Variants in PCDHGA5 observed in about 807,000 individuals in gnomAD.
The protein encoded by PCDHGA5 is protocadherin gamma-A5.
PCDHGA5 carries 36 observed loss-of-function variants against 56.7 expected under a neutral mutation model. The observed-to-expected ratio is 0.64, with a 90% confidence interval of 0.49 to 0.84. PCDHGA5 has a LOEUF of 0.84. Among genes scored for constraint, PCDHGA5 ranks in the 40% least tolerant of loss-of-function variants. The pLI, the probability that PCDHGA5 is intolerant of heterozygous loss-of-function variation, is 0.00. For synonymous variants in PCDHGA5, 563 were observed against 520.2 expected (o/e 1.08, Z -1.12); for missense variants, 1,305 against 1,201.5 (o/e 1.09, Z -1.27).
intron 1 of PCDHGA5, chr5:141,410,014 G>C (rs1185262301): frequency 1.2e-6 from 2 of 1,613,296 alleles, no homozygotes. Context: ...ACGCCTGGCT[G>C]TCCTACCACG....
At chr5:141,369,768 A>T (rs548016343) in intron 1 of PCDHGA5, among the ~76,000 whole-genome samples, 1 of 152,252 alleles carries the variant, frequency 6.6e-6, no homozygotes, top group Non-Finnish European at 1.5e-5. Context: ...CGTGAAGCTG[A>T]TATTTCAAGC....
chr5:141,490,045 C>T lies in PCDHGA5; in HGVS notation c.2422-4762C>T, dbSNP rs530803072. On this transcript the variant is annotated intron_variant, in intron 1 of 3. Transcript: ENST00000518069. The surrounding 1 kb of genome is among the most constrained non-coding windows in gnomAD (Gnocchi z 5.4). ...GCTGCTCCGCCTCAATGCCACTGAT[C>T]CAGACGAGGGCACCAACGGCCAACT... 1.2e-5 allele frequency: 19 copies of T among 1,614,114 alleles called. No individual in the cohort carries two copies. Among genetic ancestry groups the T allele is most frequent in the Admixed American group, 1.2e-4 (7 of 60,014 alleles).
At chr5:141,430,140 A>C (rs1295602149) in intron 1 of PCDHGA5, among the ~76,000 whole-genome samples, 1 of 152,202 alleles carries the variant, frequency 6.6e-6, no homozygotes, top group Non-Finnish European at 1.5e-5. Context: ...CCTTCCATTC[A>C]GGATCATTCA....
At chr5:141,405,094 C>T (rs1289372327) in intron 1 of PCDHGA5, 4 of 1,613,840 alleles carry the variant, frequency 2.5e-6, no homozygotes, top group Non-Finnish European at 3.4e-6. Flanking sequence ...TGCTGGCCCT[C>T]AGGCTGAGGC....
At chr5:141,374,602 T>G in intron 1 of PCDHGA5, 1 of 1,613,652 alleles carries the variant, frequency 6.2e-7, no homozygotes, top group Non-Finnish European at 8.5e-7. Flanking sequence ...TTAAGCTCAG[T>G]GGTAATAGTC....
rs769872504 is a variant in PCDHGA5, at chr5:141,394,062, A to G, written c.2421+27311A>G. 2.5e-6 allele frequency: 4 copies of G among 1,613,808 alleles called. No homozygotes were observed. The South Asian group carries it at 4.4e-5, about 18-fold the overall frequency. On this transcript the variant is annotated intron_variant, in intron 1 of 3. Coordinates refer to ENST00000518069, the MANE Select transcript of PCDHGA5 (RefSeq NM_018918.3). ...ATATTTGGACCGAGAAAATGTCTCT[A>G]TCTACAATATCACAGTGATGGCCTC... is the stretch of plus-strand genomic sequence containing the variant.
intron 1 of PCDHGA5, chr5:141,421,930 G>T (rs780569992): frequency 3.1e-6 from 5 of 1,613,480 alleles, no homozygotes; most frequent in Non-Finnish European, 4.2e-6. Context: ...GGTGGTCCTC[G>T]ATGTAAATGA....
At chr5:141,420,006 G>T in intron 1 of PCDHGA5, 1 of 1,614,052 alleles carries the variant, frequency 6.2e-7, no homozygotes, top group Non-Finnish European at 8.5e-7. Flanking sequence ...CTACGCCTGC[G>T]ACAGTCTTTC....
At chr5:141,470,059 G>A (rs1206799372) in intron 1 of PCDHGA5, among the ~76,000 whole-genome samples, 6 of 152,186 alleles carry the variant, frequency 3.9e-5, no homozygotes, top group African/African-American at 1.4e-4. Context: ...AACCCCGGAG[G>A]CAGAGACTGT....
At chr5:141,472,010 C>T (rs1305786275) in intron 1 of PCDHGA5, among the ~76,000 whole-genome samples, 1 of 151,978 alleles carries the variant, frequency 6.6e-6, no homozygotes, top group Non-Finnish European at 1.5e-5. Flanking sequence ...CGTATAGGGG[C>T]ACTATATTGT....
chr5:141,405,638 CT>C lies in PCDHGA5; in HGVS notation c.2421+38888del. ...TACAGGCACGTGCCACCACGCCCGG[CT>C]AATTTTTTGTGTGTTTTTAGTAGAG... is the stretch of plus-strand genomic sequence containing the variant. On this transcript the variant is annotated intron_variant, in intron 1 of 3. Coordinates refer to ENST00000518069, the MANE Select transcript of PCDHGA5 (RefSeq NM_018918.3). 3 of 528,680 alleles carry C rather than the reference CT, an allele frequency of 5.7e-6. No individual in the cohort carries two copies. The East Asian group carries it at 9.4e-5, about 17-fold the overall frequency. 32.7% of individuals were successfully genotyped at this position (528,680 alleles called of 1,614,324 possible).
intron 2 of PCDHGA5, among the ~76,000 whole-genome samples, chr5:141,495,644 A>G (rs767670166): frequency 5.3e-5 from 8 of 151,770 alleles, no homozygotes; most frequent in Non-Finnish European, 1.0e-4. Context: ...TCATTTGTCT[A>G]CTTGCATTGA....
In PCDHGA5 at chr5:141,365,005, C is replaced by T. The variant is rs1329280545; in HGVS notation, c.675C>T (p.Thr225=). 1.2e-6 allele frequency: 2 copies of T among 1,613,788 alleles called. No homozygotes were observed. Among genetic ancestry groups the T allele is most frequent in the South Asian group, 1.1e-5 (1 of 91,092 alleles). ...LDGGDPVLSG[T]THIRVTVLDA... The stretch of plus-strand genomic sequence containing the variant: ...GCGGAGACCCGGTACTCTCCGGCAC[C>T]ACGCACATCCGTGTTACGGTCCTCG... The change falls in exon 1 of 4, where the codon ACC becomes ACT. Residue 225 remains threonine (T), a synonymous_variant. Transcript: ENST00000518069.
rs980364147 is a variant in PCDHGA5 at position 141,365,834 on chromosome 5, T to C, written c.1504T>C (p.Ser502Pro). Residue 502 changes from serine to proline, a missense_variant, in exon 1 of 4, where the codon TCC (serine) becomes CCC (proline). Transcript: ENST00000518069. ...AGACACATTTCAGGGGGCGCCCTTG[T>C]CCTCCTATGTATCCATTAACTCTGA... ...AEDTFQGAPL[S>P]SYVSINSDTG... 5.0e-6 allele frequency: 8 copies of C among 1,613,928 alleles called. No individual in the cohort carries two copies. Among genetic ancestry groups the C allele is most frequent in the South Asian group, 1.1e-5 (1 of 91,084 alleles).
intron 1 of PCDHGA5, among the ~76,000 whole-genome samples, chr5:141,484,170 A>G (rs962978452): frequency 6.6e-6 from 1 of 152,210 alleles, no homozygotes; most frequent in Non-Finnish European, 1.5e-5. Context: ...TTGGTAGCTG[A>G]TCTCAATCAT....
intron 1 of PCDHGA5, chr5:141,398,587 C>G: frequency 6.2e-7 from 1 of 1,613,860 alleles, no homozygotes; most frequent in Non-Finnish European, 8.5e-7. Context: ...AAGATTTATA[C>G]TAGAAGTAGC....
chr5:141,429,421 C>T (rs1223756901), intron 1 of PCDHGA5, among the ~76,000 whole-genome samples: 1 of 151,486 alleles, frequency 6.6e-6, no homozygotes, highest in Non-Finnish European at 1.5e-5. Context: ...CATTATGTTG[C>T]CCAGGCTGGA....
At chr5:141,400,791 T>C in intron 1 of PCDHGA5, 1 of 562,286 alleles carries the variant, frequency 1.8e-6, no homozygotes, top group Non-Finnish European at 3.1e-6. Flanking sequence ...TTTGTCCTCT[T>C]TCTCAAAGCT....
At chr5:141,410,363 C>T (rs1341289640) in intron 1 of PCDHGA5, 6 of 1,614,068 alleles carry the variant, frequency 3.7e-6, no homozygotes, top group Non-Finnish European at 3.4e-6. Flanking sequence ...CTCTCTCAGC[C>T]CTGCTACTTG....
Sources: allele counts gnomAD v4.1 joint callset (sites outside exome capture counted in the v4.1 genomes callset), GRCh38; gene constraint gnomAD v4.1.1; non-coding constraint Gnocchi (gnomAD v3.1); transcripts MANE v1.5; gene names NCBI Gene and HGNC (gene_info 2026-07-23, HGNC 2026-07-21).